Variants in MSRA observed in about 807,000 individuals in gnomAD.
The protein encoded by MSRA is methionine sulfoxide reductase A.
MSRA carries 54 observed loss-of-function variants against 31.3 expected under a neutral mutation model. The ratio of observed to expected loss-of-function variants is 1.73; its 90% CI spans 1.39 to 2.17. The LOEUF is 2.17. MSRA is among the 30% of genes most tolerant of loss of function. The pLI is 0.00. For missense variants in MSRA, 507 were observed against 300.9 expected (o/e 1.69, Z -5.07); for synonymous variants, 169 against 116.5 (o/e 1.45, Z -2.90).
At chr8:10,150,311 C>G (rs575157137) in intron 1 of MSRA, among the ~76,000 whole-genome samples, 3 of 152,082 alleles carry the variant, frequency 2.0e-5, no homozygotes, top group South Asian at 2.1e-4. Context: ...GAGACCAACA[C>G]AACTCGAGAG....
chr8:10,240,986 G>T (rs527415695), intron 2 of MSRA, among the ~76,000 whole-genome samples: 3 of 151,990 alleles, frequency 2.0e-5, no homozygotes, highest in Non-Finnish European at 4.4e-5. Context: ...CAGCTCACGC[G>T]TGCCCTCTGG....
At chr8:10,260,368 G>C (rs73662813) in intron 3 of MSRA, among the ~76,000 whole-genome samples, 1,949 of 152,306 alleles carry the variant, frequency 0.013, 50 homozygotes, top group African/African-American at 0.045. Flanking sequence ...GCAGGAGCCT[G>C]AGATGGATGG....
At chr8:10,246,171 A>G (rs564120819) in intron 3 of MSRA, among the ~76,000 whole-genome samples, 1 of 152,316 alleles carries the variant, frequency 6.6e-6, no homozygotes, top group South Asian at 2.1e-4. Flanking sequence ...GAGTGTTTTC[A>G]TGCTACAGTT....
At chr8:10,200,760 G>T (rs1268830586) in intron 1 of MSRA, among the ~76,000 whole-genome samples, 5 of 152,216 alleles carry the variant, frequency 3.3e-5, no homozygotes. Context: ...ATCGCACATT[G>T]TAGGAGCTGT....
rs371190712 is a variant in MSRA, at chr8:10,130,789, A to G, written c.142+76131A>G. 2.3e-4 allele frequency among the ~76,000 whole-genome samples: 35 copies of G among 152,322 alleles called. No individual in the cohort carries two copies. The South Asian group carries it at 3.1e-3, about 14-fold the overall frequency. ...CTAAGATGTATTTTGCAGTGGCTGG[A>G]AAGAAACTAGCATTCTTAGAGGAGT... On this transcript the variant is annotated intron_variant, in intron 1 of 5. Transcript: ENST00000317173.
chr8:10,265,130 A>G (rs1798678770), intron 3 of MSRA, among the ~76,000 whole-genome samples: 1 of 152,172 alleles, frequency 6.6e-6, no homozygotes, highest in African/African-American at 2.4e-5. Flanking sequence ...GTGGTGTTTT[A>G]CCAAATTATG....
chr8:10,093,706 A>G (rs1413451075), intron 1 of MSRA, among the ~76,000 whole-genome samples: 2 of 152,202 alleles, frequency 1.3e-5, no homozygotes, highest in Non-Finnish European at 2.9e-5. Flanking sequence ...AGTTACCTTT[A>G]TACTTACTCC....
At chr8:10,391,121 C>G (rs1332473165) in intron 5 of MSRA, among the ~76,000 whole-genome samples, 1 of 152,174 alleles carries the variant, frequency 6.6e-6, no homozygotes, top group Non-Finnish European at 1.5e-5. Flanking sequence ...TGTCAATATT[C>G]TCACTCTATT....
chr8:10,082,549 G>A (rs1046091005), intron 1 of MSRA, among the ~76,000 whole-genome samples: 1 of 152,122 alleles, frequency 6.6e-6, no homozygotes, highest in South Asian at 2.1e-4. Context: ...CGTGCACTAA[G>A]GGTCTCATCT....
At chr8:10,293,194 C>T (rs1281795337) in intron 3 of MSRA, among the ~76,000 whole-genome samples, 1 of 152,176 alleles carries the variant, frequency 6.6e-6, no homozygotes, top group Non-Finnish European at 1.5e-5. Context: ...AAGGCAGAGT[C>T]TGAGGTTCCT....
intron 3 of MSRA, among the ~76,000 whole-genome samples, chr8:10,262,185 C>T (rs1474096220): frequency 6.6e-6 from 1 of 152,170 alleles, no homozygotes; most frequent in Non-Finnish European, 1.5e-5. Context: ...CTGCTATTAA[C>T]GTTTGTGTAC....
intron 3 of MSRA, among the ~76,000 whole-genome samples, chr8:10,269,563 C>T (rs940678532): frequency 2.6e-5 from 4 of 152,208 alleles, no homozygotes; most frequent in Admixed American, 6.5e-5. Context: ...GTGTCAAATG[C>T]GTGGGATTCA....
chr8:10,108,917 G>A (rs778421419), intron 1 of MSRA, among the ~76,000 whole-genome samples: 1 of 152,164 alleles, frequency 6.6e-6, no homozygotes, highest in Non-Finnish European at 1.5e-5. Flanking sequence ...CAGCTGCCAA[G>A]CTCTTAGCAG....
chr8:10,335,296 G>A lies in MSRA; in HGVS notation c.543+15307G>A, dbSNP rs1168852140. On this transcript the variant is annotated intron_variant, in intron 5 of 5. Coordinates refer to ENST00000317173, the MANE Select transcript of MSRA (RefSeq NM_012331.5). Reference sequence around the variant, plus strand: ...TTTGTAGTGTTTGAATTTGAAATCCGGCCCTGTGACCCTTTCTACTCACAG... The same window carrying A: ...TTTGTAGTGTTTGAATTTGAAATCCAGCCCTGTGACCCTTTCTACTCACAG... Among the ~76,000 whole-genome samples the A allele has an allele frequency of 2.7e-5, 3 of 111,972 alleles. No homozygotes were observed. The East Asian group carries it at 8.7e-4, about 33-fold the overall frequency. The allele number at this position is 111,972 out of a possible 152,430, so 73.5% of individuals were successfully genotyped here.
rs535600232 is a variant in MSRA, at chr8:10,133,290, C to T, written c.143-74543C>T. 8.1e-4 allele frequency among the ~76,000 whole-genome samples: 124 copies of T among 152,240 alleles called. 1 individual carries two copies. The highest frequency in any genetic ancestry group is 1.3e-3 in the Non-Finnish European group (87 of 68,018). On this transcript the variant is annotated intron_variant, in intron 1 of 5. Transcript: ENST00000317173. ...TAAATTCTGGCTCACTGAATCCTCA[C>T]GACCACTCTGAGACTTATATTATTA...
At chr8:10,168,061 C>T (rs1295538932) in intron 1 of MSRA, among the ~76,000 whole-genome samples, 1 of 152,152 alleles carries the variant, frequency 6.6e-6, no homozygotes, top group Admixed American at 6.5e-5. Flanking sequence ...GCAATCTCAT[C>T]TATGTTACTT....
At chr8:10,122,373 CA>C (rs1801187154) in intron 1 of MSRA, among the ~76,000 whole-genome samples, 1 of 152,140 alleles carries the variant, frequency 6.6e-6, no homozygotes, top group Non-Finnish European at 1.5e-5. Context: ...AAGCTGTCCC[CA>C]AGTCATGGCA....
At chr8:10,378,622 C>T (rs1805882326) in intron 5 of MSRA, among the ~76,000 whole-genome samples, 1 of 152,212 alleles carries the variant, frequency 6.6e-6, no homozygotes, top group Non-Finnish European at 1.5e-5. Context: ...TAACATCCCC[C>T]TCAGCAGCTC....
chr8:10,276,072 G>C (rs891341574), intron 3 of MSRA, among the ~76,000 whole-genome samples: 8 of 152,218 alleles, frequency 5.3e-5, no homozygotes, highest in African/African-American at 1.9e-4. Flanking sequence ...CCGTGTCTGG[G>C]CTTCCTGGTG....
Sources: gnomAD v4.1 joint callset for allele counts (sites outside exome capture counted in the v4.1 genomes callset) on GRCh38, gnomAD v4.1.1 for gene constraint, MANE v1.5 for transcripts, NCBI Gene and HGNC (gene_info 2026-07-23, HGNC 2026-07-21) for gene names.